The following CADM2 variants were observed in gnomAD, a reference collection of about 807,000 sequenced individuals.
CADM2 encodes the protein immunoglobulin superfamily member 4D.
CADM2 carries 12 observed loss-of-function variants against 49.8 expected under a neutral mutation model. The observed-to-expected ratio is 0.24, with a 90% confidence interval of 0.15 to 0.39. The LOEUF is 0.39. Among genes scored for constraint, CADM2 ranks in the 10% least tolerant of loss-of-function variants. The pLI, the probability that CADM2 is intolerant of heterozygous loss-of-function variation, is 1.00. For missense variants in CADM2, 378 were observed against 492.3 expected (o/e 0.77, Z 2.20); for synonymous variants, 214 against 175.4 (o/e 1.22, Z -1.74).
intron 1 of CADM2, among the ~76,000 whole-genome samples, chr3:85,161,322 G>T (rs1467300594): frequency 1.3e-5 from 2 of 152,124 alleles, no homozygotes; most frequent in Non-Finnish European, 2.9e-5. Flanking sequence ...GTACTGGATT[G>T]AGTGCTTTTG....
intron 1 of CADM2, among the ~76,000 whole-genome samples, chr3:85,191,530 A>G (rs1351944635): frequency 2.6e-5 from 4 of 152,130 alleles, no homozygotes; most frequent in Non-Finnish European, 5.9e-5. Context: ...TACATAATTT[A>G]CTCAAAGTTG....
chr3:85,328,844 T>C (rs1273532493), intron 1 of CADM2, among the ~76,000 whole-genome samples: 1 of 151,838 alleles, frequency 6.6e-6, no homozygotes, highest in Non-Finnish European at 1.5e-5. Context: ...TATTCTTATA[T>C]TCTATAATTT....
intron 1 of CADM2, among the ~76,000 whole-genome samples, chr3:85,532,196 AAAAAAT>A (rs1576736987): frequency 1.4e-5 from 1 of 69,182 alleles, no homozygotes; most frequent in Non-Finnish European, 4.3e-5. Context: ...AATAATAATA[AAAAAAT>A]AAAAATAGTG....
intron 1 of CADM2, among the ~76,000 whole-genome samples, chr3:85,377,856 C>T (rs1267025269): frequency 1.3e-5 from 2 of 151,786 alleles, no homozygotes; most frequent in Admixed American, 6.6e-5. Flanking sequence ...GCCCAGGGAG[C>T]GATGCGAATT....
intron 8 of CADM2, among the ~76,000 whole-genome samples, chr3:86,037,653 C>T (rs1277308551): frequency 1.3e-5 from 2 of 151,424 alleles, no homozygotes; most frequent in East Asian, 3.9e-4. Context: ...TTATAAAGTT[C>T]TTAAACATTT....
intron 7 of CADM2, among the ~76,000 whole-genome samples, chr3:85,945,394 T>C (rs1016271892): frequency 1.3e-5 from 2 of 151,884 alleles, no homozygotes; most frequent in Non-Finnish European, 2.9e-5. Context: ...TTCCAATCAA[T>C]AGAAAAAGAG....
intron 1 of CADM2, among the ~76,000 whole-genome samples, chr3:85,350,677 GT>G (rs1190290612): frequency 2.6e-5 from 4 of 152,084 alleles, no homozygotes; most frequent in African/African-American, 9.7e-5. Context: ...ACAGTATTTA[GT>G]TTAGTAGATT....
intron 1 of CADM2, among the ~76,000 whole-genome samples, chr3:85,242,932 T>A (rs1576196316): frequency 6.6e-6 from 1 of 151,804 alleles, no homozygotes; most frequent in Non-Finnish European, 1.5e-5. Context: ...AGGACCATAA[T>A]GTTTACTCAA....
In CADM2 at chr3:85,757,236, G is replaced by A. The variant is rs1445112471; in HGVS notation, c.88+30688G>A. On this transcript the variant is annotated intron_variant, in intron 2 of 9. Coordinates refer to ENST00000383699, the MANE Select transcript of CADM2 (RefSeq NM_001167675.2). Reference sequence around the variant, plus strand: ...TGATATTAGAAGACTATAAGAAAAGGACTAAAGATAAGAGTTTGGCTTGAA... The same window carrying A: ...TGATATTAGAAGACTATAAGAAAAGAACTAAAGATAAGAGTTTGGCTTGAA... Among the ~76,000 whole-genome samples the A allele has an allele frequency of 2.0e-5, 3 of 152,052 alleles. No individual in the cohort carries two copies. In the East Asian group the frequency reaches 5.8e-4, roughly 29 times the overall value.
chr3:85,517,132 C>A (rs2060923561), intron 1 of CADM2, among the ~76,000 whole-genome samples: 1 of 151,654 alleles, frequency 6.6e-6, no homozygotes, highest in South Asian at 2.1e-4. Flanking sequence ...TCTATAATAA[C>A]CTAGTCTCTT....
chr3:85,860,418 G>A (rs9815995), intron 3 of CADM2, among the ~76,000 whole-genome samples: 62 of 152,168 alleles, frequency 4.1e-4, no homozygotes, highest in African/African-American at 1.4e-3. Context: ...CAAGAAAGAG[G>A]AATAAGGTAA....
chr3:85,338,239 T>C (rs541824938), intron 1 of CADM2, among the ~76,000 whole-genome samples: 1 of 151,818 alleles, frequency 6.6e-6, no homozygotes, highest in South Asian at 2.1e-4. Context: ...GTGTGTCCCA[T>C]ATCACAGGCA....
At chr3:85,707,699 A>G (rs1364699078) in intron 1 of CADM2, among the ~76,000 whole-genome samples, 1 of 152,170 alleles carries the variant, frequency 6.6e-6, no homozygotes, top group Non-Finnish European at 1.5e-5. Context: ...TTGTCAATCG[A>G]AAATACATCT....
At chr3:86,043,578 A>C (rs951494694) in intron 8 of CADM2, among the ~76,000 whole-genome samples, 1 of 151,928 alleles carries the variant, frequency 6.6e-6, no homozygotes, top group Non-Finnish European at 1.5e-5. Context: ...AAAGAACGGA[A>C]GAACATTCCA....
intron 1 of CADM2, among the ~76,000 whole-genome samples, chr3:85,331,933 T>A (rs1424286144): frequency 6.6e-6 from 1 of 152,174 alleles, no homozygotes; most frequent in African/African-American, 2.4e-5. Flanking sequence ...CAGTATCATT[T>A]GCACATAAAT....
chr3:85,733,581 T>C (rs1373005017), intron 2 of CADM2, among the ~76,000 whole-genome samples: 1 of 152,216 alleles, frequency 6.6e-6, no homozygotes, highest in South Asian at 2.1e-4. Context: ...TTAATGGAGG[T>C]GCATTTTCTC....
intron 1 of CADM2, among the ~76,000 whole-genome samples, chr3:85,100,434 C>A (rs1037966974): frequency 6.6e-6 from 1 of 152,128 alleles, no homozygotes; most frequent in Non-Finnish European, 1.5e-5. Flanking sequence ...CCAAAACATG[C>A]CTTATCTATC....
intron 8 of CADM2, chr3:86,013,604 A>G: frequency 6.2e-7 from 1 of 1,600,148 alleles, no homozygotes; most frequent in Non-Finnish European, 8.5e-7. Flanking sequence ...GGGAAGAGAG[A>G]GAATCACACT....
chr3:85,613,777 AT>A (rs2063734357), intron 1 of CADM2, among the ~76,000 whole-genome samples: 1 of 151,716 alleles, frequency 6.6e-6, no homozygotes, highest in South Asian at 2.1e-4. Flanking sequence ...AATATAATGC[AT>A]TTTTATTAAT....
Sources: allele counts gnomAD v4.1 joint callset (sites outside exome capture counted in the v4.1 genomes callset), GRCh38; gene constraint gnomAD v4.1.1; transcripts MANE v1.5; gene names NCBI Gene and HGNC (gene_info 2026-07-23, HGNC 2026-07-21).